LRRK1: variants seen among roughly 807,000 people sequenced by gnomAD.
LRRK1 encodes leucine-rich repeat serine/threonine-protein kinase 1.
A neutral mutation model predicts 209.1 loss-of-function variants in LRRK1; 113 were observed. That is an observed-to-expected ratio of 0.54 (90% CI 0.46 to 0.63). The LOEUF is 0.63. Among genes scored for constraint, LRRK1 ranks in the 30% least tolerant of loss-of-function variants. LRRK1 has a pLI of 0.00. For missense variants in LRRK1, 2,284 were observed against 2,632.2 expected (o/e 0.87, Z 2.89); for synonymous variants, 1,144 against 1,099.7 (o/e 1.04, Z -0.80).
At chr15:101,015,070 C>T (rs1242646549) in intron 11 of LRRK1, among the ~76,000 whole-genome samples, 1 of 152,192 alleles carries the variant, frequency 6.6e-6, no homozygotes, top group Non-Finnish European at 1.5e-5. Context: ...CCTCTGGAGA[C>T]CAGCCGCCCC....
rs2036843907 is a variant in LRRK1 at position 101,072,607 on chromosome 15, C to T, written c.*3759C>T. 1 of 155,698 alleles carries T rather than the reference C, an allele frequency of 6.4e-6. No homozygotes were observed. The highest frequency in any genetic ancestry group is 6.5e-5 in the Admixed American group (1 of 15,336). The allele number at this position is 155,698 out of a possible 1,614,324, so 9.6% of individuals were successfully genotyped here. ...GTGAATATGCCCTGCCCCGCCTTAA[C>T]TGATGACATTCCACCACAAAAGAAG... On this transcript the variant is annotated 3_prime_UTR_variant, in exon 34 of 34. Transcript: ENST00000388948.
intron 2 of LRRK1, among the ~76,000 whole-genome samples, chr15:100,935,733 C>T (rs893053958): frequency 6.6e-6 from 1 of 152,148 alleles, no homozygotes; most frequent in Non-Finnish European, 1.5e-5. Context: ...ACCACCCTAT[C>T]ACTTGCTGGC....
At chr15:100,969,509 A>C (rs955995604) in intron 2 of LRRK1, among the ~76,000 whole-genome samples, 2 of 151,940 alleles carry the variant, frequency 1.3e-5, no homozygotes, top group Non-Finnish European at 2.9e-5. Context: ...TTTTTTTTCA[A>C]GTTCAGGGGT....
chr15:101,045,060 CTT>C (rs2034983769), intron 20 of LRRK1, among the ~76,000 whole-genome samples: 1 of 152,234 alleles, frequency 6.6e-6, no homozygotes, highest in Non-Finnish European at 1.5e-5. Context: ...AGAGGGGATC[CTT>C]TCTCTCCCCA....
intron 4 of LRRK1, 94 bp downstream of exon 4, chr15:100,983,793 T>C: frequency 2.4e-6 from 3 of 1,259,602 alleles, no homozygotes; most frequent in South Asian, 1.2e-5. Flanking sequence ...CTTTCACCAA[T>C]AATGAGATCA....
At chr15:101,052,493 T>C (rs984765605) in intron 24 of LRRK1, among the ~76,000 whole-genome samples, 17 of 152,148 alleles carry the variant, frequency 1.1e-4, no homozygotes, top group Admixed American at 3.3e-4. Context: ...TCTGTAGCCC[T>C]AGCGCTGAGC....
In LRRK1 at chr15:101,053,335, C is replaced by A; in HGVS notation, c.3969C>A (p.Ile1323=). 1 of 1,604,094 alleles carries A rather than the reference C, an allele frequency of 6.2e-7. No individual in the cohort carries two copies. The highest frequency in any genetic ancestry group is 8.5e-7 in the Non-Finnish European group (1 of 1,179,904). The part of the protein sequence containing the change: ...ALQHPCIVAL[I]GISIHPLCFA... ...AGCACCCCTGCATCGTGGCGCTCAT[C>A]GGCATCAGCATCCACCCGCTCTGCT... The change falls in exon 26 of 34, where the codon ATC becomes ATA. Residue 1323 remains isoleucine (I), a synonymous_variant. Transcript: ENST00000388948.
chr15:101,075,182 T>G lies in LRRK1; in HGVS notation c.*6334T>G, dbSNP rs2036939411. 1 of 48,610 alleles carries G rather than the reference T, an allele frequency of 2.1e-5. No individual in the cohort carries two copies. Among genetic ancestry groups the G allele is most frequent in the Admixed American group, 1.7e-4 (1 of 5,824 alleles). 3.0% of individuals were successfully genotyped at this position (48,610 alleles called of 1,614,324 possible). A position where few individuals can be genotyped will look rare whatever the true frequency, so the allele number is the denominator to read the frequency against. Reference sequence around the variant, plus strand: ...GTTTCCCTTACCTCCATAACTGTTGTGCGTATTGACAGCCAGGCTTCTAAA... The same window carrying G: ...GTTTCCCTTACCTCCATAACTGTTGGGCGTATTGACAGCCAGGCTTCTAAA... On this transcript the variant is annotated 3_prime_UTR_variant, in exon 34 of 34. Coordinates refer to ENST00000388948, the MANE Select transcript of LRRK1 (RefSeq NM_024652.6).
intron 12 of LRRK1, 25 bp from the exon 13 acceptor site, chr15:101,021,005 GGTCCAGAATTATTTTTAAATGCA>G (rs756955534): frequency 6.2e-7 from 1 of 1,609,378 alleles, no homozygotes; most frequent in Non-Finnish European, 8.5e-7. Context: ...ACGCTGTGAC[GGTCCAGAATTATTTTTAAATGCA>G]GTCTGCTTTG....
intron 20 of LRRK1, among the ~76,000 whole-genome samples, chr15:101,040,345 AAT>A (rs778841280): frequency 3.2e-4 from 48 of 152,208 alleles, no homozygotes; most frequent in Non-Finnish European, 4.7e-4. Flanking sequence ...AGATATTTAA[AAT>A]ATCTCTGGAA....
At chr15:100,983,128 T>C (rs935990641) in intron 3 of LRRK1, among the ~76,000 whole-genome samples, 1 of 152,096 alleles carries the variant, frequency 6.6e-6, no homozygotes, top group Non-Finnish European at 1.5e-5. Context: ...TGAGCTGAGA[T>C]TGCACTACTG....
chr15:101,068,410 G>A (rs189878208), intron 33 of LRRK1, among the ~76,000 whole-genome samples: 7 of 152,212 alleles, frequency 4.6e-5, no homozygotes, highest in East Asian at 1.9e-4. Context: ...GGCCTTCCAG[G>A]GAGTCTGACT....
chr15:101,027,188 AG>A lies in LRRK1; in HGVS notation c.2406-70del. The A allele has an allele frequency of 6.3e-7, 1 of 1,580,812 alleles. No individual in the cohort carries two copies. Reference sequence around the variant, plus strand: ...TGCCAGCGTTCAGGACAAACCTCTCAGGGAAACAGAGAAGCAGCAGCGCTTC... The same window carrying A: ...TGCCAGCGTTCAGGACAAACCTCTCAGGAAACAGAGAAGCAGCAGCGCTTC... On this transcript the variant is annotated intron_variant, in intron 17 of 33. Transcript: ENST00000388948. This position sits in a 1 kb window ranked among gnomAD's most constrained non-coding sequence, Gnocchi z 5.1.
chr15:101,075,037 GC>G lies in LRRK1; in HGVS notation c.*6194del, dbSNP rs1299550166. On this transcript the variant is annotated 3_prime_UTR_variant, in exon 34 of 34. Coordinates refer to ENST00000388948, the MANE Select transcript of LRRK1 (RefSeq NM_024652.6). ...CTGACACTGCCCGATCACCTCGGAA[GC>G]CCCCTAGACCATCACGGACGCCGAG... The G allele has an allele frequency of 9.8e-6, 1 of 102,268 alleles. No homozygotes were observed. The highest frequency in any genetic ancestry group is 2.1e-5 in the Non-Finnish European group (1 of 46,586). The allele number at this position is 102,268 out of a possible 1,614,324, so 6.3% of individuals were successfully genotyped here.
chr15:100,957,968 T>A (rs537590114), intron 2 of LRRK1, among the ~76,000 whole-genome samples: 4 of 152,226 alleles, frequency 2.6e-5, no homozygotes, highest in African/African-American at 9.6e-5. Flanking sequence ...CAGGTTCAAG[T>A]GATTCTCCTG....
intron 2 of LRRK1, among the ~76,000 whole-genome samples, chr15:100,952,948 C>CA (rs2042684325): frequency 6.6e-6 from 1 of 152,192 alleles, no homozygotes; most frequent in African/African-American, 2.4e-5. Flanking sequence ...TGGCTAATCT[C>CA]ATTAAGCAGC....
intron 20 of LRRK1, among the ~76,000 whole-genome samples, chr15:101,035,538 C>T (rs927587116): frequency 5.3e-5 from 8 of 151,978 alleles, no homozygotes; most frequent in African/African-American, 1.7e-4. Context: ...CTATGTGTGT[C>T]TTTACAGATA....
chr15:100,935,905 T>A (rs975141732), intron 2 of LRRK1, among the ~76,000 whole-genome samples: 6 of 152,174 alleles, frequency 3.9e-5, no homozygotes, highest in Admixed American at 6.5e-5. Context: ...ACCGCATGTC[T>A]AGCCCAAGCT....
intron 11 of LRRK1, 47 bp from the exon 12 acceptor site, chr15:101,015,279 C>T (rs2141700765): frequency 2.1e-6 from 3 of 1,452,630 alleles, no homozygotes; most frequent in Non-Finnish European, 2.9e-6. Context: ...AAAAGTAATG[C>T]TTTTGTCGTG....
Sources: allele counts gnomAD v4.1 joint callset (sites outside exome capture counted in the v4.1 genomes callset), GRCh38; gene constraint gnomAD v4.1.1; non-coding constraint Gnocchi (gnomAD v3.1); transcripts MANE v1.5; gene names NCBI Gene and HGNC (gene_info 2026-07-23, HGNC 2026-07-21).